The following FHIT variants were observed in gnomAD, a reference collection of about 807,000 sequenced individuals.
FHIT encodes the protein fragile histidine triad diadenosine triphosphatase.
FHIT carries 19 observed loss-of-function variants against 17.9 expected under a neutral mutation model. The observed-to-expected ratio is 1.06, with a 90% CI of 0.74 to 1.56. FHIT has a LOEUF of 1.56. FHIT is among the 40% of genes most tolerant of loss of function. The pLI, the probability that FHIT is intolerant of heterozygous loss-of-function variation, is 0.00. For synonymous variants in FHIT, 81 were observed against 69.7 expected (o/e 1.16, Z -0.81); for missense variants, 248 against 189.2 (o/e 1.31, Z -1.82).
At chr3:61,228,179 T>TA (rs529696097) in intron 1 of FHIT, among the ~76,000 whole-genome samples, 6,602 of 147,396 alleles carry the variant, frequency 0.045, 479 homozygotes, top group African/African-American at 0.15. Flanking sequence ...AAAAATAATT[T>TA]AAAAAAAAAA....
At chr3:59,920,909 C>G (rs1057250929) in intron 8 of FHIT, among the ~76,000 whole-genome samples, 2 of 152,096 alleles carry the variant, frequency 1.3e-5, no homozygotes, top group African/African-American at 4.8e-5. Context: ...AGCCTATTCC[C>G]AAAGGTAGTC....
intron 5 of FHIT, among the ~76,000 whole-genome samples, chr3:60,341,248 C>G (rs1710503289): frequency 6.6e-6 from 1 of 152,048 alleles, no homozygotes; most frequent in Non-Finnish European, 1.5e-5. Flanking sequence ...TAAGGTATAC[C>G]TATATTAAGC....
intron 4 of FHIT, among the ~76,000 whole-genome samples, chr3:60,746,637 G>C (rs2042362758): frequency 6.6e-6 from 1 of 152,324 alleles, no homozygotes; most frequent in African/African-American, 2.4e-5. Flanking sequence ...GAGGGAATGT[G>C]AGGAAAGCAC....
intron 2 of FHIT, among the ~76,000 whole-genome samples, chr3:61,053,282 A>G (rs1258601936): frequency 2.6e-5 from 4 of 152,202 alleles, no homozygotes; most frequent in Non-Finnish European, 5.9e-5. Flanking sequence ...GATGCCCACA[A>G]TACATTCACA....
At chr3:59,902,524 C>T (rs913585902) in intron 8 of FHIT, among the ~76,000 whole-genome samples, 2 of 151,772 alleles carry the variant, frequency 1.3e-5, no homozygotes, top group African/African-American at 4.8e-5. Flanking sequence ...TCAAAACCAC[C>T]AAGACATGGC....
At chr3:60,331,771 A>G (rs1709988594) in intron 5 of FHIT, among the ~76,000 whole-genome samples, 1 of 151,766 alleles carries the variant, frequency 6.6e-6, no homozygotes, top group South Asian at 2.1e-4. Flanking sequence ...ACTTGAACCC[A>G]GGAGGTGGAA....
chr3:60,882,939 A>T (rs1386970847), intron 3 of FHIT, among the ~76,000 whole-genome samples: 2 of 152,168 alleles, frequency 1.3e-5, no homozygotes, highest in Non-Finnish European at 2.9e-5. Flanking sequence ...CTGTTTACAG[A>T]TGACATAATC....
At position 59,790,317 on chromosome 3, in the gene FHIT, T is replaced by C. The variant is rs543968699; in HGVS notation, c.349-37996A>G. 5.3e-5 allele frequency among the ~76,000 whole-genome samples: 8 copies of C among 152,266 alleles called. 1 individual carries two copies. The South Asian group carries it at 1.7e-3, about 32-fold the overall frequency. On this transcript the variant is annotated intron_variant, in intron 8 of 9. Coordinates refer to ENST00000492590, the MANE Select transcript of FHIT (RefSeq NM_002012.4). ...CATTTTGTACTTAGCATAGATACAA[T>C]GGTTTAAGGACACGGTGCACTGAGT... is the stretch of plus-strand genomic sequence containing the variant.
intron 4 of FHIT, among the ~76,000 whole-genome samples, chr3:60,713,975 A>G (rs1294759962): frequency 6.6e-6 from 1 of 151,966 alleles, no homozygotes; most frequent in Admixed American, 6.5e-5. Context: ...GCAGAGACAC[A>G]ACCAAAAAAG....
intron 7 of FHIT, among the ~76,000 whole-genome samples, chr3:59,956,440 C>T (rs112543980): frequency 0.011 from 1,690 of 152,244 alleles, 40 homozygotes; most frequent in African/African-American, 0.038. Context: ...GAGGCCGAGG[C>T]GGGCAGATCT....
intron 4 of FHIT, among the ~76,000 whole-genome samples, chr3:60,602,942 T>C (rs2038492836): frequency 6.6e-6 from 1 of 152,178 alleles, no homozygotes; most frequent in Admixed American, 6.6e-5. Flanking sequence ...GGTACCTTGA[T>C]CTTAGACTTC....
At chr3:60,026,646 C>T (rs896073271) in intron 5 of FHIT, among the ~76,000 whole-genome samples, 2 of 151,888 alleles carry the variant, frequency 1.3e-5, no homozygotes, top group African/African-American at 2.4e-5. Flanking sequence ...AATATGGTTG[C>T]TAACAATAAA....
intron 4 of FHIT, among the ~76,000 whole-genome samples, chr3:60,714,859 C>A (rs1251115254): frequency 6.6e-6 from 1 of 152,118 alleles, no homozygotes; most frequent in Non-Finnish European, 1.5e-5. Context: ...GCCATACTGC[C>A]CAAGGTAATT....
At chr3:60,597,938 C>A (rs1576946425) in intron 4 of FHIT, among the ~76,000 whole-genome samples, 1 of 152,160 alleles carries the variant, frequency 6.6e-6, no homozygotes, top group East Asian at 1.9e-4. Flanking sequence ...TAAGCAACAT[C>A]AGAGAGATAC....
chr3:59,788,931 T>C (rs1410500864), intron 8 of FHIT, among the ~76,000 whole-genome samples: 1 of 124,934 alleles, frequency 8.0e-6, no homozygotes, highest in Non-Finnish European at 1.6e-5. Flanking sequence ...TGCAGATCAA[T>C]GCCTGAGACC....
chr3:60,915,044 C>T (rs1207290016), intron 3 of FHIT, among the ~76,000 whole-genome samples: 2 of 152,116 alleles, frequency 1.3e-5, no homozygotes, highest in African/African-American at 2.4e-5. Flanking sequence ...CTCAATGTTC[C>T]GAACACTTGT....
At chr3:60,191,139 C>T (rs1160266181) in intron 5 of FHIT, among the ~76,000 whole-genome samples, 11 of 152,104 alleles carry the variant, frequency 7.2e-5, no homozygotes, top group Non-Finnish European at 1.3e-4. Context: ...TGGTTCCTTT[C>T]TCCAAAGAGT....
At position 60,140,555 on chromosome 3, in the gene FHIT, G is replaced by A. The variant is rs183186780; in HGVS notation, c.104-126403C>T. Among the ~76,000 whole-genome samples, 531 of 150,646 alleles carry A rather than the reference G, an allele frequency of 3.5e-3. 15 individuals are homozygous for A. The highest frequency in any genetic ancestry group is 0.031 in the Admixed American group (464 of 15,036). ...CAACATGGAGGAATCAGAGCCCATGGAGGGAAAGACACAGACTCTATTTTT... is the reference window on the plus strand; with the variant it reads ...CAACATGGAGGAATCAGAGCCCATGAAGGGAAAGACACAGACTCTATTTTT... On this transcript the variant is annotated intron_variant, in intron 5 of 9. Transcript: ENST00000492590.
rs181568825 is a variant in FHIT at position 60,443,078 on chromosome 3, T to A, written c.103+93782A>T. Among the ~76,000 whole-genome samples the A allele has an allele frequency of 2.2e-3, 340 of 152,140 alleles. 5 individuals carry two copies. Among genetic ancestry groups the A allele is most frequent in the Middle Eastern group, 0.01 (3 of 294 alleles). On this transcript the variant is annotated intron_variant, in intron 5 of 9. Coordinates refer to ENST00000492590, the MANE Select transcript of FHIT (RefSeq NM_002012.4). Reference sequence around the variant, plus strand: ...CTCATGATTTGGCTCTCTGTTTATCTGTTACTGGTGTATAAGAATGCTTGT... The same window carrying A: ...CTCATGATTTGGCTCTCTGTTTATCAGTTACTGGTGTATAAGAATGCTTGT...
Sources: gnomAD v4.1 joint callset for allele counts (sites outside exome capture counted in the v4.1 genomes callset) on GRCh38, gnomAD v4.1.1 for gene constraint, MANE v1.5 for transcripts, NCBI Gene and HGNC (gene_info 2026-07-23, HGNC 2026-07-21) for gene names.